IGF2BP2: variants seen among roughly 807,000 people sequenced by gnomAD.
IGF2BP2 encodes insulin like growth factor 2 mRNA binding protein 2.
Under a neutral mutation model 75.8 loss-of-function variants are expected in IGF2BP2, and 17 were observed. The observed-to-expected ratio is 0.22, with a 90% CI of 0.15 to 0.34. The LOEUF is 0.34. Ranked by LOEUF, IGF2BP2 falls within the 10% of genes least tolerant of loss-of-function variation. IGF2BP2 has a pLI of 1.00. For missense variants in IGF2BP2, 516 were observed against 772.4 expected (o/e 0.67, Z 3.93); for synonymous variants, 288 against 295.6 (o/e 0.97, Z 0.26).
chr3:185,698,626 TCCCA>T (rs1722898588), intron 2 of IGF2BP2, among the ~76,000 whole-genome samples: 1 of 152,072 alleles, frequency 6.6e-6, no homozygotes, highest in African/African-American at 2.4e-5. Flanking sequence ...TGCCTCAGCC[TCCCA>T]AATAGCTGGG....
At chr3:185,821,061 T>C (rs1038149618) in intron 2 of IGF2BP2, 1 of 1,535,338 alleles carries the variant, frequency 6.5e-7, no homozygotes, top group Non-Finnish European at 8.7e-7. Flanking sequence ...CATGAGAACA[T>C]ACAGCTGCTT....
chr3:185,800,718 A>AAAAAAAGAAAGAAAG (rs771868332), intron 2 of IGF2BP2, among the ~76,000 whole-genome samples: 13 of 143,290 alleles, frequency 9.1e-5, no homozygotes, highest in African/African-American at 3.2e-4. Context: ...GAGCCAAAAA[A>AAAAAAAGAAAGAAAG]AAAGAAAGAA....
rs567985981 is a variant in IGF2BP2 at position 185,670,719 on chromosome 3, A to C, written c.1200+1822T>G. On this transcript the variant is annotated intron_variant, in intron 10 of 15. Coordinates refer to ENST00000382199, the MANE Select transcript of IGF2BP2 (RefSeq NM_006548.6). ...CAAGTAGCTGGGATTACAGGCGTGC[A>C]CCACCACACCTGGCTAATTCTTGTA... is the stretch of plus-strand genomic sequence containing the variant. 5.9e-4 allele frequency among the ~76,000 whole-genome samples: 90 copies of C among 151,804 alleles called. 2 individuals carry two copies. The Middle Eastern group carries it at 0.027, about 46-fold the overall frequency.
At chr3:185,780,513 T>C (rs1316621835) in intron 2 of IGF2BP2, among the ~76,000 whole-genome samples, 3 of 152,216 alleles carry the variant, frequency 2.0e-5, no homozygotes, top group African/African-American at 7.2e-5. Context: ...AGACCATTTT[T>C]TCTCGCGTTT....
At chr3:185,779,078 A>G (rs1434755874) in intron 2 of IGF2BP2, among the ~76,000 whole-genome samples, 1 of 145,002 alleles carries the variant, frequency 6.9e-6, no homozygotes, top group Non-Finnish European at 1.5e-5. Flanking sequence ...TATGGAACAA[A>G]GCTTTTTTTT....
chr3:185,695,620 A>G (rs1160588584), intron 4 of IGF2BP2, among the ~76,000 whole-genome samples: 1 of 152,244 alleles, frequency 6.6e-6, no homozygotes, highest in Admixed American at 6.5e-5. Context: ...AAAGAGCTAG[A>G]TAAGATATCA....
chr3:185,707,584 G>A (rs964868572), intron 2 of IGF2BP2, among the ~76,000 whole-genome samples: 45 of 152,132 alleles, frequency 3.0e-4, no homozygotes, highest in African/African-American at 1.1e-3. Flanking sequence ...TGGGATTACA[G>A]GCGTGAGCCA....
At chr3:185,812,674 C>A (rs1318731830) in intron 2 of IGF2BP2, among the ~76,000 whole-genome samples, 1 of 152,162 alleles carries the variant, frequency 6.6e-6, no homozygotes, top group Non-Finnish European at 1.5e-5. Flanking sequence ...CTTTTCTAAA[C>A]CAAATCTTAG....
At chr3:185,725,124 A>G (rs1285917464) in intron 2 of IGF2BP2, 2 of 152,236 alleles carry the variant, frequency 1.3e-5, no homozygotes, top group East Asian at 1.9e-4. Context: ...TTCCCAGCAG[A>G]GGCCTCAGAC....
intron 7 of IGF2BP2, among the ~76,000 whole-genome samples, chr3:185,685,305 T>C (rs1720966508): frequency 6.6e-6 from 1 of 151,002 alleles, no homozygotes; most frequent in African/African-American, 2.4e-5. Context: ...GCCAAGATCA[T>C]GCCATTGTAC....
At chr3:185,776,579 T>A (rs1412877416) in intron 2 of IGF2BP2, among the ~76,000 whole-genome samples, 1 of 152,016 alleles carries the variant, frequency 6.6e-6, no homozygotes, top group African/African-American at 2.4e-5. Context: ...AGCTATCCAA[T>A]AGGAAGGAAG....
intron 2 of IGF2BP2, among the ~76,000 whole-genome samples, chr3:185,816,058 G>A (rs112566830): frequency 3.0e-4 from 45 of 152,138 alleles, no homozygotes; most frequent in Admixed American, 7.2e-4. Flanking sequence ...AGGGAAACAC[G>A]TAAACCACAA....
intron 10 of IGF2BP2, among the ~76,000 whole-genome samples, chr3:185,662,844 A>AT (rs1048245679): frequency 1.5e-4 from 22 of 151,498 alleles, no homozygotes; most frequent in African/African-American, 3.2e-4. Context: ...CAGCTGGCTA[A>AT]TTTTTTTGCA....
At chr3:185,696,736 C>G (rs908506968) in intron 3 of IGF2BP2, 73 bp from the exon 4 acceptor site, 4 of 1,184,660 alleles carry the variant, frequency 3.4e-6, no homozygotes, top group Non-Finnish European at 5.0e-6. Flanking sequence ...AGTGATATAC[C>G]CCAGCAAACA....
rs780571233 is a variant in IGF2BP2 at position 185,645,619 on chromosome 3, G to A, written c.1712C>T (p.Ala571Val). 3 of 1,613,328 alleles carry A rather than the reference G, an allele frequency of 1.9e-6. No individual in the cohort carries two copies. The South Asian group carries it at 3.3e-5, about 18-fold the overall frequency. The change falls in exon 16 of 16, where the codon GCA (alanine) becomes GTA (valine). Residue 571 changes from alanine to valine, a missense_variant. This residue lies in a region of IGF2BP2 where 129 missense variants were observed against 230.5 expected (regional missense o/e 0.56). Coordinates refer to ENST00000382199, the MANE Select transcript of IGF2BP2 (RefSeq NM_006548.6). This position sits in a 1 kb window ranked among gnomAD's most constrained non-coding sequence, Gnocchi z 4.9. Reference protein sequence around the residue: ...IIGHFFASQTAQRKIREIVQQ... With the variant: ...IIGHFFASQTVQRKIREIVQQ... ...TACAATTTCCCTGATCTTGCGCTGTGCAGTCTGCAGCAAGGGAGAGAAGGG... is the reference window on the plus strand; with the variant it reads ...TACAATTTCCCTGATCTTGCGCTGTACAGTCTGCAGCAAGGGAGAGAAGGG...
intron 2 of IGF2BP2, among the ~76,000 whole-genome samples, chr3:185,734,981 C>A (rs1728669541): frequency 6.6e-6 from 1 of 152,136 alleles, no homozygotes; most frequent in South Asian, 2.1e-4. Flanking sequence ...AGCGTTGTAA[C>A]ATGAAAGCAC....
At chr3:185,704,167 T>G (rs1018633781) in intron 2 of IGF2BP2, among the ~76,000 whole-genome samples, 1 of 152,222 alleles carries the variant, frequency 6.6e-6, no homozygotes, top group Non-Finnish European at 1.5e-5. Flanking sequence ...GATTTCCTCA[T>G]GTGCATTACC....
intron 2 of IGF2BP2, among the ~76,000 whole-genome samples, chr3:185,706,594 A>G (rs1030499526): frequency 6.6e-6 from 1 of 152,224 alleles, no homozygotes; most frequent in African/African-American, 2.4e-5. Flanking sequence ...TTCCACCTTC[A>G]GGATTCTATA....
chr3:185,710,719 C>T (rs1332664653), intron 2 of IGF2BP2, among the ~76,000 whole-genome samples: 2 of 151,460 alleles, frequency 1.3e-5, no homozygotes, highest in African/African-American at 4.9e-5. Flanking sequence ...GGCAATAGAG[C>T]GAGACTCAGT....
Sources: gnomAD v4.1 joint callset for allele counts (sites outside exome capture counted in the v4.1 genomes callset) on GRCh38, gnomAD v4.1.1 for gene constraint, gnomAD v4.1.1 regional missense constraint, Gnocchi (gnomAD v3.1) non-coding constraint, MANE v1.5 for transcripts, NCBI Gene and HGNC (gene_info 2026-07-23, HGNC 2026-07-21) for gene names.